Variants in ATP8A2 observed in about 807,000 individuals in gnomAD.
The protein encoded by ATP8A2 is ATPase phospholipid transporting 8A2.
In ATP8A2, 100 loss-of-function variants were observed where a neutral mutation model predicts 165.6. The ratio of observed to expected loss-of-function variants is 0.60; its 90% CI spans 0.51 to 0.71. The LOEUF (loss-of-function observed/expected upper bound fraction) is 0.71, where lower values mean the gene tolerates loss of function less well. Ranked by LOEUF, ATP8A2 falls within the 30% of genes least tolerant of loss-of-function variation. The pLI, the probability that ATP8A2 is intolerant of heterozygous loss-of-function variation, is 0.00. For synonymous variants in ATP8A2, 543 were observed against 548.8 expected (o/e 0.99, Z 0.15); for missense variants, 1,227 against 1,479.5 (o/e 0.83, Z 2.80).
intron 2 of ATP8A2, among the ~76,000 whole-genome samples, chr13:25,494,026 C>G (rs1033329010): frequency 6.6e-6 from 1 of 151,980 alleles, no homozygotes; most frequent in Non-Finnish European, 1.5e-5. Flanking sequence ...CAGTTTACTC[C>G]ATGAAATGGG....
chr13:25,845,397 A>G (rs554921760), intron 30 of ATP8A2, among the ~76,000 whole-genome samples: 1 of 152,340 alleles, frequency 6.6e-6, no homozygotes, highest in East Asian at 1.9e-4. Context: ...ATGAAATTTA[A>G]GAGGGAGGTG....
At chr13:25,502,605 T>C (rs549461496) in intron 2 of ATP8A2, among the ~76,000 whole-genome samples, 3 of 152,358 alleles carry the variant, frequency 2.0e-5, no homozygotes, top group South Asian at 4.1e-4. Context: ...AAGCTGCTAA[T>C]AGTAAGCTAC....
intron 1 of ATP8A2, among the ~76,000 whole-genome samples, chr13:25,397,937 C>A (rs1317899915): frequency 1.3e-5 from 2 of 152,070 alleles, no homozygotes; most frequent in Non-Finnish European, 2.9e-5. Context: ...TTGAAGGCAG[C>A]GGGAAGAAAT....
chr13:25,784,068 A>T (rs1201149127), intron 27 of ATP8A2, among the ~76,000 whole-genome samples: 1 of 152,160 alleles, frequency 6.6e-6, no homozygotes, highest in Non-Finnish European at 1.5e-5. Flanking sequence ...ATAGACTCTT[A>T]CTGCCCTTTC....
intron 15 of ATP8A2, among the ~76,000 whole-genome samples, chr13:25,562,797 A>T (rs1234052861): frequency 6.6e-6 from 1 of 152,162 alleles, no homozygotes; most frequent in Non-Finnish European, 1.5e-5. Flanking sequence ...TCTGTAAAAG[A>T]TAAGCATTTT....
intron 25 of ATP8A2, among the ~76,000 whole-genome samples, chr13:25,703,588 G>T (rs2042995875): frequency 6.6e-6 from 1 of 152,046 alleles, no homozygotes; most frequent in Admixed American, 6.5e-5. Context: ...AATCCATACG[G>T]TGGAATATTA....
Position 25,776,678 on chromosome 13 carries a change from C to T in ATP8A2, c.2679+1719C>T, listed in dbSNP as rs1230471883. Among the ~76,000 whole-genome samples, 3 of 152,152 alleles carry T rather than the reference C, an allele frequency of 2.0e-5. No homozygotes were observed. In the East Asian group the frequency reaches 5.8e-4, roughly 29 times the overall value. The stretch of plus-strand genomic sequence containing the variant: ...TGTGGTAGGAGTCACTCCTCAACGT[C>T]ACTCAAGGTCATGGACGATAGTGTA... On this transcript the variant is annotated intron_variant, in intron 27 of 36. Coordinates refer to ENST00000381655, the MANE Select transcript of ATP8A2 (RefSeq NM_016529.6).
chr13:25,945,579 C>A (rs533071795), intron 33 of ATP8A2, among the ~76,000 whole-genome samples: 3 of 152,202 alleles, frequency 2.0e-5, no homozygotes, highest in African/African-American at 7.2e-5. Flanking sequence ...AAATAACAAC[C>A]ACCACCATGA....
intron 27 of ATP8A2, among the ~76,000 whole-genome samples, chr13:25,806,111 C>A (rs957918062): frequency 1.3e-5 from 2 of 152,012 alleles, no homozygotes; most frequent in African/African-American, 4.8e-5. Flanking sequence ...ATACGTAGGG[C>A]AGCATGTATC....
chr13:25,836,134 C>G (rs1951597169), intron 28 of ATP8A2, among the ~76,000 whole-genome samples: 1 of 152,012 alleles, frequency 6.6e-6, no homozygotes, highest in Non-Finnish European at 1.5e-5. Flanking sequence ...TTTCTGGTGC[C>G]TAGGTAAACT....
chr13:25,547,129 C>T (rs550721107), intron 10 of ATP8A2, among the ~76,000 whole-genome samples: 4 of 151,408 alleles, frequency 2.6e-5, no homozygotes, highest in East Asian at 1.9e-4. Context: ...GGCTCCGTCT[C>T]GAAATAAATA....
At chr13:25,496,644 TATC>T in intron 2 of ATP8A2, among the ~76,000 whole-genome samples, 1 of 152,162 alleles carries the variant, frequency 6.6e-6, no homozygotes, top group Admixed American at 6.5e-5. Context: ...TTGTTTTCCT[TATC>T]ATCAGTAAAT....
chr13:25,920,578 G>C (rs1954421096), intron 33 of ATP8A2, among the ~76,000 whole-genome samples: 1 of 152,096 alleles, frequency 6.6e-6, no homozygotes. Context: ...CACCAGGCCT[G>C]GTAATTTGCC....
At chr13:25,820,140 C>T (rs906383743) in intron 27 of ATP8A2, among the ~76,000 whole-genome samples, 1 of 152,160 alleles carries the variant, frequency 6.6e-6, no homozygotes, top group Admixed American at 6.5e-5. Context: ...CGAGGTTGGA[C>T]GATGGCAGCG....
At chr13:25,831,070 C>T (rs1466138754) in intron 28 of ATP8A2, among the ~76,000 whole-genome samples, 1 of 152,168 alleles carries the variant, frequency 6.6e-6, no homozygotes, top group Non-Finnish European at 1.5e-5. Context: ...AAGGCATTTG[C>T]TAGTGATCCT....
chr13:25,821,760 G>C (rs1951187043), intron 27 of ATP8A2, among the ~76,000 whole-genome samples: 1 of 152,128 alleles, frequency 6.6e-6, no homozygotes, highest in African/African-American at 2.4e-5. Context: ...GGCCTTGTAG[G>C]ATGTTTAGCA....
At chr13:25,510,496 T>G (rs2037190486) in intron 2 of ATP8A2, among the ~76,000 whole-genome samples, 2 of 152,232 alleles carry the variant, frequency 1.3e-5, no homozygotes, top group Non-Finnish European at 2.9e-5. Context: ...TGGGGTGAGT[T>G]TTAGGGTAAA....
chr13:25,743,273 G>A (rs1349909515), intron 25 of ATP8A2, among the ~76,000 whole-genome samples: 2 of 152,018 alleles, frequency 1.3e-5, no homozygotes, highest in East Asian at 1.9e-4. Flanking sequence ...ACCAGAGGCC[G>A]AAAGATGTCT....
chr13:25,832,808 A>G (rs1310505639), intron 28 of ATP8A2, among the ~76,000 whole-genome samples: 1 of 152,250 alleles, frequency 6.6e-6, no homozygotes, highest in Non-Finnish European at 1.5e-5. Context: ...TGCCATCACT[A>G]TATAATTCAT....
Sources: allele counts gnomAD v4.1 joint callset (sites outside exome capture counted in the v4.1 genomes callset), GRCh38; gene constraint gnomAD v4.1.1; transcripts MANE v1.5; gene names NCBI Gene and HGNC (gene_info 2026-07-23, HGNC 2026-07-21).